The following CALCOCO1 variants were observed in gnomAD, a reference collection of about 807,000 sequenced individuals.
The protein encoded by CALCOCO1 is calcium binding and coiled-coil domain 1.
Under a neutral mutation model 86.3 loss-of-function variants are expected in CALCOCO1, and 44 were observed. The ratio of observed to expected loss-of-function variants is 0.51; its 90% CI spans 0.40 to 0.66. The LOEUF is 0.66. Ranked by LOEUF, CALCOCO1 falls within the 30% of genes least tolerant of loss-of-function variation. CALCOCO1 has a pLI of 0.00. For synonymous variants in CALCOCO1, 297 were observed against 327.6 expected, an observed-to-expected ratio of 0.91 and a Z score of 1.01; for missense variants, 708 against 851.1, an observed-to-expected ratio of 0.83 and a Z score of 2.09.
In CALCOCO1 at chr12:53,711,290, T is replaced by C. The variant is rs3741662; in HGVS notation, c.*654A>G. On this transcript the variant is annotated 3_prime_UTR_variant, in exon 15 of 15. Coordinates refer to ENST00000550804, the MANE Select transcript of CALCOCO1 (RefSeq NM_020898.3). Reference sequence around the variant, plus strand: ...GGCACAAATACATTATTTCTTTCCATGTGAGGAGATGCGAGGAGAGGATAC... The same window carrying C: ...GGCACAAATACATTATTTCTTTCCACGTGAGGAGATGCGAGGAGAGGATAC... 0.042 allele frequency: 16,538 copies of C among 398,442 alleles called. 1,381 individuals carry two copies. Among genetic ancestry groups the C allele is most frequent in the African/African-American group, 0.21 (10,262 of 48,558 alleles). 24.7% of individuals were successfully genotyped at this position (398,442 alleles called of 1,614,324 possible). A position where few individuals can be genotyped will look rare whatever the true frequency, so the allele number is the denominator to read the frequency against.
Position 53,715,185 on chromosome 12 carries a change from G to T in CALCOCO1, c.1386+15C>A, listed in dbSNP as rs753238359. ...GAGGCCATAGGACAGGACCCTTGGTGGCTGGATGCCTCACCAGGCTAGAAT... is the reference window on the plus strand; with the variant it reads ...GAGGCCATAGGACAGGACCCTTGGTTGCTGGATGCCTCACCAGGCTAGAAT... On this transcript the variant is annotated intron_variant, in intron 10 of 14. Transcript: ENST00000550804. The T allele has an allele frequency of 1.2e-6, 2 of 1,613,740 alleles. No homozygotes were observed. The highest frequency in any genetic ancestry group is 1.7e-6 in the Non-Finnish European group (2 of 1,179,790).
At chr12:53,725,819 G>A (rs1270976435) in intron 1 of CALCOCO1, 2 of 152,262 alleles carry the variant, frequency 1.3e-5, no homozygotes, top group Admixed American at 6.5e-5. Flanking sequence ...GGGGAACTGA[G>A]CCCAAATCCT....
At chr12:53,716,536 T>C in intron 7 of CALCOCO1, 121 bp from the exon 8 acceptor site, 1 of 1,002,996 alleles carries the variant, frequency 1.0e-6, no homozygotes, top group Non-Finnish European at 1.5e-6. Flanking sequence ...CACTCAAGCC[T>C]TCAGCTATTG....
chr12:53,716,933 A>T (rs1407181860), intron 7 of CALCOCO1, among the ~76,000 whole-genome samples: 1 of 152,050 alleles, frequency 6.6e-6, no homozygotes, highest in African/African-American at 2.4e-5. Context: ...CTCTATTACC[A>T]CCACAACCAC....
chr12:53,723,730 G>A lies in CALCOCO1; in HGVS notation c.313C>T (p.Arg105Cys), dbSNP rs377219497. 46 of 1,614,044 alleles carry A rather than the reference G, an allele frequency of 2.8e-5. No homozygotes were observed. Among genetic ancestry groups the A allele is most frequent in the South Asian group, 1.1e-4 (10 of 91,084 alleles). The part of the protein sequence containing the change: ...AQLYQFRYVN[R>C]QGQVCGQSPP... ...CTCTGCCCACACACCTGGCCCTGGC[G>A]GTTCACATATCGGAACTGGTAGAGC... The change falls in exon 4 of 15, where the codon CGC becomes TGC. Residue 105 changes from arginine to cysteine, a missense_variant. By Grantham distance (180) the Arg-to-Cys change is radical. Transcript: ENST00000550804.
chr12:53,718,929 T>C (rs1032491319), intron 7 of CALCOCO1, among the ~76,000 whole-genome samples: 1 of 147,594 alleles, frequency 6.8e-6, no homozygotes, highest in African/African-American at 2.5e-5. Context: ...CTCACTGCAA[T>C]TTCTGCCTCC....
intron 14 of CALCOCO1, chr12:53,712,767 G>T (rs768561824): frequency 3.0e-6 from 4 of 1,325,916 alleles, no homozygotes; most frequent in South Asian, 1.2e-5. Flanking sequence ...AGGACCCTAG[G>T]TACCTACCTG....
chr12:53,716,169 C>T (rs1193524111), intron 8 of CALCOCO1, 91 bp downstream of exon 8: 1 of 1,583,864 alleles, frequency 6.3e-7, no homozygotes, highest in African/African-American at 1.3e-5. Context: ...AGTCTTTAGC[C>T]ATGTCTCTCC....
At position 53,722,015 on chromosome 12, in the gene CALCOCO1, CA is replaced by C; in HGVS notation, c.609+9del. On this transcript the variant is annotated intron_variant, in intron 5 of 14. Coordinates refer to ENST00000550804, the MANE Select transcript of CALCOCO1 (RefSeq NM_020898.3). ...GCCAGGCCCTGTCCCCTACCTGGCC[CA>C]GCTCCCACCTTGTACTGTTCCATCA... 1 of 1,612,242 alleles carries C rather than the reference CA, an allele frequency of 6.2e-7. No individual in the cohort carries two copies. Among genetic ancestry groups the C allele is most frequent in the Non-Finnish European group, 8.5e-7 (1 of 1,180,028 alleles).
intron 6 of CALCOCO1, among the ~76,000 whole-genome samples, chr12:53,720,821 G>C (rs903985286): frequency 6.6e-6 from 1 of 152,228 alleles, no homozygotes; most frequent in Non-Finnish European, 1.5e-5. Context: ...ACTTGGTAGA[G>C]AAAACAATTT....
intron 3 of CALCOCO1, chr12:53,724,391 C>G (rs1050072212): frequency 8.4e-6 from 4 of 477,908 alleles, no homozygotes; most frequent in Non-Finnish European, 1.5e-5. Context: ...CTTACTCCCC[C>G]ATTTTTCCTT....
rs1347490262 is a variant in CALCOCO1 at position 53,714,177 on chromosome 12, T to C, written c.1547A>G (p.Asn516Ser). 3 of 1,613,742 alleles carry C rather than the reference T, an allele frequency of 1.9e-6. No homozygotes were observed. Among genetic ancestry groups the C allele is most frequent in the Non-Finnish European group, 2.5e-6 (3 of 1,179,968 alleles). The part of the protein sequence containing the change: ...RLEKVADEKW[N>S]EDATTEDEEA... ...CTCATCCTCTGTGGTGGCATCCTCATTCCACTTCTCATCTGCCACCTTCTC... is the reference window on the plus strand; with the variant it reads ...CTCATCCTCTGTGGTGGCATCCTCACTCCACTTCTCATCTGCCACCTTCTC... Residue 516 changes from asparagine to serine, a missense_variant, in exon 12 of 15, where the codon AAT becomes AGT. By Grantham distance (46) the Asn-to-Ser change is conservative. Coordinates refer to ENST00000550804, the MANE Select transcript of CALCOCO1 (RefSeq NM_020898.3).
In CALCOCO1 at chr12:53,716,016, C is replaced by T. The variant is rs770439156; in HGVS notation, c.1037G>A (p.Arg346Gln). ...TGAGGCTGCAAGCTCCTGGGCCCCT[C>T]GAAGCTGCTCCTTCAAGGGCTCCAG... ...AELEPLKEQL[R>Q]GAQELAASSQ... Residue 346 changes from arginine to glutamine, a missense_variant, in exon 9 of 15, where the codon CGA (arginine) becomes CAA (glutamine). Transcript: ENST00000550804. The T allele has an allele frequency of 6.2e-6, 10 of 1,613,276 alleles. No homozygotes were observed. The highest frequency in any genetic ancestry group is 1.3e-5 in the African/African-American group (1 of 74,900).
Position 53,715,944 on chromosome 12 carries a change from G to T in CALCOCO1, c.1109C>A (p.Ala370Glu). The change falls in exon 9 of 15, where the codon GCA (alanine) becomes GAA (glutamate). Residue 370 changes from alanine to glutamate, a missense_variant. Ala to Glu is a moderately radical substitution (Grantham distance 107). Transcript: ENST00000550804. ...TLLGEELASAAAARDRTIAEL... is the reference protein window; with the variant it reads ...TLLGEELASAEAARDRTIAEL... ...GGCTATGGTGCGGTCCCTGGCTGCT[G>T]CTGCACTGGCCAACTCCTCCCCAAG... 1.2e-6 allele frequency: 2 copies of T among 1,614,078 alleles called. No individual in the cohort carries two copies. The highest frequency in any genetic ancestry group is 1.7e-6 in the Non-Finnish European group (2 of 1,180,004).
Position 53,712,983 on chromosome 12 carries a change from C to A in CALCOCO1, c.1898+117G>T, listed in dbSNP as rs915239114. 7.0e-6 allele frequency: 9 copies of A among 1,283,166 alleles called. No homozygotes were observed. The African/African-American group carries it at 8.8e-5, about 13-fold the overall frequency. The allele number at this position is 1,283,166 out of a possible 1,614,324, so 79.5% of individuals were successfully genotyped here. ...GTTAACCATACCTGTATCTCCTTTT[C>A]TTGGCTGAGGCCAAGAAGGGCAGGG... On this transcript the variant is annotated intron_variant, in intron 14 of 14. Transcript: ENST00000550804.
At position 53,714,128 on chromosome 12, in the gene CALCOCO1, C is replaced by T. The variant is rs766298543; in HGVS notation, c.1591+5G>A. On this transcript the variant is annotated splice_donor_5th_base_variant and intron_variant, in intron 12 of 14. Coordinates refer to ENST00000550804, the MANE Select transcript of CALCOCO1 (RefSeq NM_020898.3). ...GAGGTGTTACAAGATTGGGGCTACACGGACTCAGCCCCACAGCGGCCTCCT... is the reference window on the plus strand; with the variant it reads ...GAGGTGTTACAAGATTGGGGCTACATGGACTCAGCCCCACAGCGGCCTCCT... 3.8e-6 allele frequency: 6 copies of T among 1,597,586 alleles called. No homozygotes were observed. Among genetic ancestry groups the T allele is most frequent in the Non-Finnish European group, 5.1e-6 (6 of 1,167,900 alleles).
In CALCOCO1 at chr12:53,715,707, T is replaced by C. The variant is rs529710020; in HGVS notation, c.1260+86A>G. ...AAGGTTCTCAACCCCTCTTCTCTCCTCCCAGAGGGTCTGACCACATGTAGG... is the reference window on the plus strand; with the variant it reads ...AAGGTTCTCAACCCCTCTTCTCTCCCCCCAGAGGGTCTGACCACATGTAGG... On this transcript the variant is annotated intron_variant, in intron 9 of 14. Coordinates refer to ENST00000550804, the MANE Select transcript of CALCOCO1 (RefSeq NM_020898.3). 2.7e-5 allele frequency: 42 copies of C among 1,538,794 alleles called. No individual in the cohort carries two copies. In the African/African-American group the frequency reaches 5.1e-4, roughly 19 times the overall value.
intron 3 of CALCOCO1, chr12:53,724,182 C>A: frequency 6.7e-6 from 3 of 448,700 alleles, no homozygotes; most frequent in Non-Finnish European, 1.3e-5. Flanking sequence ...AGGCATGCAC[C>A]ACCACGCCTG....
intron 3 of CALCOCO1, chr12:53,724,358 CAT>C (rs1481514014): frequency 1.9e-5 from 8 of 424,972 alleles, no homozygotes; most frequent in Non-Finnish European, 3.5e-5. Flanking sequence ...CTTCTCACCA[CAT>C]AATTCTACCT....
Sources: gnomAD v4.1 joint callset for allele counts (sites outside exome capture counted in the v4.1 genomes callset) on GRCh38, gnomAD v4.1.1 for gene constraint, MANE v1.5 for transcripts, NCBI Gene and HGNC (gene_info 2026-07-23, HGNC 2026-07-21) for gene names.